UNC50: variants seen among roughly 807,000 people sequenced by gnomAD.
UNC50 encodes unc-50 inner nuclear membrane RNA binding protein.
Under a neutral mutation model 31.5 loss-of-function variants are expected in UNC50, and 24 were observed. The observed-to-expected ratio is 0.76, with a 90% confidence interval of 0.55 to 1.07. The LOEUF (loss-of-function observed/expected upper bound fraction) is 1.07, where lower values mean the gene tolerates loss of function less well. Ranked by LOEUF, UNC50 falls within the 50% of genes least tolerant of loss-of-function variation. The pLI, the probability that UNC50 is intolerant of heterozygous loss-of-function variation, is 0.00. For missense variants in UNC50, 245 were observed against 304.2 expected, an observed-to-expected ratio of 0.81 and a Z score of 1.45; for synonymous variants, 118 against 114.7, an observed-to-expected ratio of 1.03 and a Z score of -0.18.
chr2:98,613,640 G>A (rs797012282), intron 3 of UNC50, among the ~76,000 whole-genome samples: 12 of 152,296 alleles, frequency 7.9e-5, no homozygotes, highest in Admixed American at 3.9e-4. Context: ...CCCTTGACAC[G>A]TGGGGATTCT....
At chr2:98,612,575 A>G (rs1230615902) in intron 3 of UNC50, among the ~76,000 whole-genome samples, 2 of 152,158 alleles carry the variant, frequency 1.3e-5, no homozygotes, top group Non-Finnish European at 2.9e-5. Context: ...ACACTTGGCT[A>G]ATTTTCATAC....
intron 3 of UNC50, 107 bp from the exon 4 acceptor site, chr2:98,616,100 T>C (rs1244514840): frequency 8.8e-6 from 10 of 1,140,646 alleles, no homozygotes; most frequent in Middle Eastern, 5.3e-4. Flanking sequence ...GTCTGTTTTG[T>C]TTACTGGTAT....
chr2:98,611,101 A>G (rs910498570), intron 3 of UNC50, among the ~76,000 whole-genome samples: 1 of 152,238 alleles, frequency 6.6e-6, no homozygotes, highest in Non-Finnish European at 1.5e-5. Context: ...AATATTGTCA[A>G]ATGTAGCAAA....
In UNC50 at chr2:98,618,119, ATTTAT is replaced by A. The variant is rs781288560; in HGVS notation, c.644-45_644-41del. ...CTTTCAAAATGTTCATTTATTAGTC[ATTTAT>A]TTTTTTTTTTTTTTAAATCAGTTTG... On this transcript the variant is annotated intron_variant, in intron 5 of 5. Transcript: ENST00000357765. 297 of 1,265,922 alleles carry A rather than the reference ATTTAT, an allele frequency of 2.3e-4. 1 individual carries two copies. The African/African-American group carries it at 5.1e-3, about 22-fold the overall frequency. The allele number at this position is 1,265,922 out of a possible 1,614,324, so 78.4% of individuals were successfully genotyped here.
chr2:98,610,342 GA>G (rs945897925), intron 2 of UNC50, among the ~76,000 whole-genome samples: 1 of 152,214 alleles, frequency 6.6e-6, no homozygotes, highest in African/African-American at 2.4e-5. Context: ...TATGAAACTG[GA>G]AATTGCATTT....
At chr2:98,611,984 C>G (rs12617957) in intron 3 of UNC50, among the ~76,000 whole-genome samples, 39,037 of 136,490 alleles carry the variant, frequency 0.29, 4,139 homozygotes, top group East Asian at 0.49. Flanking sequence ...CCCGCCCCCC[C>G]ACCGCCACAC....
intron 1 of UNC50, chr2:98,609,086 G>C (rs1407267253): frequency 6.5e-6 from 1 of 154,962 alleles, no homozygotes; most frequent in Non-Finnish European, 1.4e-5. Context: ...AGCTGGGCTC[G>C]GCCAGACCCT....
intron 5 of UNC50, among the ~76,000 whole-genome samples, chr2:98,617,019 T>C (rs1205314747): frequency 6.6e-6 from 1 of 152,234 alleles, no homozygotes; most frequent in Non-Finnish European, 1.5e-5. Context: ...TTTTCATGAT[T>C]ACCGTATGGT....
At chr2:98,609,672 C>G (rs778150878) in intron 1 of UNC50, 84 bp from the exon 2 acceptor site, 1 of 1,590,908 alleles carries the variant, frequency 6.3e-7, no homozygotes, top group Non-Finnish European at 8.6e-7. Context: ...AGTGACCTCC[C>G]TGCCAAATAA....
At chr2:98,611,891 AT>A (rs35827998) in intron 3 of UNC50, among the ~76,000 whole-genome samples, 39,946 of 149,170 alleles carry the variant, frequency 0.27, 5,630 homozygotes, top group Middle Eastern at 0.36. Flanking sequence ...AAAAAGAAGG[AT>A]TTTTTTTTTA....
At position 98,618,301 on chromosome 2, in the gene UNC50, A is replaced by G; in HGVS notation, c.777A>G (p.Lys259=). Residue 259 remains lysine, a synonymous_variant, in exon 6 of 6, where the codon AAA becomes AAG. Transcript: ENST00000357765. The part of the protein sequence containing the change: ...TLCSFYKYRV[K] Reference sequence around the variant, plus strand: ...GTTCTTTCTATAAGTACAGAGTGAAATAAAAAGTGAGAAGAAGATTCAATC... The same window carrying G: ...GTTCTTTCTATAAGTACAGAGTGAAGTAAAAAGTGAGAAGAAGATTCAATC... 1.3e-6 allele frequency: 2 copies of G among 1,589,722 alleles called. No homozygotes were observed. The highest frequency in any genetic ancestry group is 1.7e-6 in the Non-Finnish European group (2 of 1,173,154).
rs754982658 is a variant in UNC50, at chr2:98,610,904, C to T, written c.401+9C>T. 9.3e-6 allele frequency: 15 copies of T among 1,610,896 alleles called. No individual in the cohort carries two copies. Among genetic ancestry groups the T allele is most frequent in the East Asian group, 2.2e-5 (1 of 44,850 alleles). Reference sequence around the variant, plus strand: ...ATAGCAACTTTAATGTGGTAAGTACCATAACTTTGGTTTTTCAGATACTGC... The same window carrying T: ...ATAGCAACTTTAATGTGGTAAGTACTATAACTTTGGTTTTTCAGATACTGC... On this transcript the variant is annotated intron_variant, in intron 3 of 5. Transcript: ENST00000357765.
intron 5 of UNC50, 37 bp from the exon 6 acceptor site, chr2:98,618,131 T>A (rs1700966806): frequency 1.4e-6 from 2 of 1,477,744 alleles, no homozygotes; most frequent in Non-Finnish European, 1.8e-6. Flanking sequence ...TTATTTTTTT[T>A]TTTTTTTAAA....
chr2:98,610,936 A>G (rs756089468), intron 3 of UNC50, 41 bp downstream of exon 3: 2 of 1,591,052 alleles, frequency 1.3e-6, no homozygotes, highest in Non-Finnish European at 1.7e-6. Context: ...CTGCTGTAGC[A>G]TCTCCATTTG....
chr2:98,615,618 C>CAGT (rs1700907341), intron 3 of UNC50, among the ~76,000 whole-genome samples: 1 of 152,204 alleles, frequency 6.6e-6, no homozygotes, highest in Non-Finnish European at 1.5e-5. Context: ...CTCTTCCTTG[C>CAGT]AGTAGCCTTC....
chr2:98,611,294 C>T (rs957417058), intron 3 of UNC50, among the ~76,000 whole-genome samples: 8 of 152,122 alleles, frequency 5.3e-5, no homozygotes, highest in Non-Finnish European at 1.2e-4. Flanking sequence ...AGACATCAGT[C>T]AATATGTGTA....
chr2:98,617,957 G>C (rs1700960265), intron 5 of UNC50, among the ~76,000 whole-genome samples: 1 of 152,014 alleles, frequency 6.6e-6, no homozygotes, highest in Non-Finnish European at 1.5e-5. Flanking sequence ...CCTCTCCTAG[G>C]TTTCTTCCCA....
Position 98,608,641 on chromosome 2 carries a change from G to A in UNC50, c.-90G>A, listed in dbSNP as rs1181059149. The A allele has an allele frequency of 1.7e-6, 1 of 571,798 alleles. No individual in the cohort carries two copies. 35.4% of individuals were successfully genotyped at this position (571,798 alleles called of 1,614,324 possible). A position where few individuals can be genotyped will look rare whatever the true frequency, so the allele number is the denominator to read the frequency against. On this transcript the variant is annotated 5_prime_UTR_variant, in exon 1 of 6. Transcript: ENST00000357765. ...GGCCGGCTCCGTTGAGGGAAGGGAA[G>A]CCCGCCCGGTGGCGGCTGGGGTCGG...
chr2:98,608,773 C>G lies in UNC50; in HGVS notation c.-5+47C>G, dbSNP rs1700758732. 9.8e-6 allele frequency: 3 copies of G among 307,082 alleles called. No homozygotes were observed. In the Admixed American group the frequency reaches 1.6e-4, roughly 16 times the overall value. The allele number at this position is 307,082 out of a possible 1,614,324, so 19.0% of individuals were successfully genotyped here. A position where few individuals can be genotyped will look rare whatever the true frequency, so the allele number is the denominator to read the frequency against. On this transcript the variant is annotated intron_variant, in intron 1 of 5. Transcript: ENST00000357765. ...GCCCTCCCGCGGCCCGGGCTCGCGC[C>G]GGGGGCCATTTAATCCCGACAGCTT... is the stretch of plus-strand genomic sequence containing the variant.
Sources: gnomAD v4.1 joint callset for allele counts (sites outside exome capture counted in the v4.1 genomes callset) on GRCh38, gnomAD v4.1.1 for gene constraint, MANE v1.5 for transcripts, NCBI Gene and HGNC (gene_info 2026-07-23, HGNC 2026-07-21) for gene names.